SAMD12: variants seen among roughly 807,000 people sequenced by gnomAD.
SAMD12 encodes sterile alpha motif domain-containing protein 12.
SAMD12 carries 9 observed loss-of-function variants against 15.0 expected under a neutral mutation model. That is an observed-to-expected ratio of 0.60 (90% CI 0.36 to 1.05). The LOEUF (loss-of-function observed/expected upper bound fraction) is 1.05. Among genes scored for constraint, SAMD12 ranks in the 50% least tolerant of loss-of-function variants. The probability of loss-of-function intolerance (pLI) is 0.01; values close to 1 mark genes in which losing one functional copy is unlikely to be tolerated. For synonymous variants in SAMD12, 86 were observed against 90.1 expected (o/e 0.96, Z 0.25); for missense variants, 230 against 234.2 (o/e 0.98, Z 0.12).
chr8:118,161,596 T>C, the SAMD12 span, among the ~76,000 whole-genome samples: 1 of 141,008 alleles, frequency 7.1e-6, no homozygotes, highest in Non-Finnish European at 1.5e-5. Context: ...TGAGAAGAAA[T>C]ATAAAGACAA....
intron 1 of SAMD12, among the ~76,000 whole-genome samples, chr8:118,583,380 A>G (rs1827344081): frequency 6.6e-6 from 1 of 152,184 alleles, no homozygotes; most frequent in Admixed American, 6.5e-5. Context: ...AAATACATCA[A>G]AGTTGTGATT....
intron 4 of SAMD12, among the ~76,000 whole-genome samples, chr8:118,199,383 G>A (rs946461324): frequency 3.3e-5 from 5 of 152,148 alleles, no homozygotes; most frequent in African/African-American, 1.2e-4. Flanking sequence ...TATCCAGGTT[G>A]ACCTGCTAGG....
At chr8:118,409,690 G>A (rs1821309007) in intron 3 of SAMD12, among the ~76,000 whole-genome samples, 1 of 151,432 alleles carries the variant, frequency 6.6e-6, no homozygotes, top group Non-Finnish European at 1.5e-5. Flanking sequence ...ATCAGTACTG[G>A]GATGTACTAC....
At chr8:118,343,017 A>G (rs1384573710) in intron 4 of SAMD12, among the ~76,000 whole-genome samples, 1 of 152,074 alleles carries the variant, frequency 6.6e-6, no homozygotes, top group African/African-American at 2.4e-5. Flanking sequence ...TCTAGCTCTA[A>G]TTTAGTATTG....
chr8:118,430,112 A>G (rs1021364224), intron 3 of SAMD12, among the ~76,000 whole-genome samples: 7 of 152,194 alleles, frequency 4.6e-5, no homozygotes, highest in African/African-American at 1.7e-4. Flanking sequence ...CTCTGCATCT[A>G]TTGAGAAGAA....
chr8:118,526,817 G>A (rs1382407246), intron 2 of SAMD12, among the ~76,000 whole-genome samples: 1 of 152,140 alleles, frequency 6.6e-6, no homozygotes, highest in Non-Finnish European at 1.5e-5. Flanking sequence ...ACAGCCTTCT[G>A]AGACATGGAA....
chr8:118,283,827 T>C (rs1428969832), intron 4 of SAMD12, among the ~76,000 whole-genome samples: 8 of 152,222 alleles, frequency 5.3e-5, no homozygotes. Flanking sequence ...ACAGGGGAAC[T>C]TGGGCTTGAA....
At chr8:118,186,280 C>T (rs1390027865), downstream of SAMD12, among the ~76,000 whole-genome samples, 1 of 152,162 alleles carries the variant, frequency 6.6e-6, no homozygotes, top group Non-Finnish European at 1.5e-5. Flanking sequence ...GAGATATTTT[C>T]ATTTTAATAT....
At chr8:118,356,508 C>T (rs1257680083) in intron 4 of SAMD12, among the ~76,000 whole-genome samples, 1 of 152,118 alleles carries the variant, frequency 6.6e-6, no homozygotes, top group African/African-American at 2.4e-5. Context: ...AGGGAAGCAC[C>T]CACAGGATAC....
At chr8:118,166,382 C>T in the SAMD12 span, among the ~76,000 whole-genome samples, 5 of 152,308 alleles carry the variant, frequency 3.3e-5, no homozygotes, top group East Asian at 9.6e-4. Context: ...TCTGTTATCT[C>T]AAACCCCAGA....
At chr8:118,610,289 A>G (rs1017417556) in intron 1 of SAMD12, among the ~76,000 whole-genome samples, 32 of 152,232 alleles carry the variant, frequency 2.1e-4, no homozygotes, top group African/African-American at 7.7e-4. Context: ...CCAATTAAGT[A>G]ATTTTTTGTT....
intron 4 of SAMD12, among the ~76,000 whole-genome samples, chr8:118,321,311 G>T (rs58899923): frequency 0.23 from 15,476 of 68,068 alleles, 1,827 homozygotes; most frequent in African/African-American, 0.5. Flanking sequence ...TTTTTTTTTG[G>T]TTTTTTTTTA....
At chr8:118,570,720 C>A (rs554278885) in intron 2 of SAMD12, among the ~76,000 whole-genome samples, 86 of 148,706 alleles carry the variant, frequency 5.8e-4, no homozygotes, top group African/African-American at 2.2e-3. Flanking sequence ...TATATTATAC[C>A]CAGTTATGAG....
At chr8:118,366,279 A>G (rs1818763237) in intron 4 of SAMD12, among the ~76,000 whole-genome samples, 1 of 152,182 alleles carries the variant, frequency 6.6e-6, no homozygotes, top group African/African-American at 2.4e-5. Flanking sequence ...CATTTCTTCT[A>G]GACTGGATAC....
intron 4 of SAMD12, among the ~76,000 whole-genome samples, chr8:118,270,549 C>T (rs1261805481): frequency 6.6e-6 from 1 of 151,886 alleles, no homozygotes; most frequent in Non-Finnish European, 1.5e-5. Flanking sequence ...AGTTTTCAGC[C>T]TTCTCTTGTA....
At chr8:118,309,380 A>ATGTGTGTGTGTGTG (rs35576833) in intron 4 of SAMD12, among the ~76,000 whole-genome samples, 42 of 143,966 alleles carry the variant, frequency 2.9e-4, no homozygotes, top group Non-Finnish European at 4.8e-4. Flanking sequence ...TGAGATATAT[A>ATGTGTGTGTGTGTG]TGTGTGTGTG....
chr8:118,165,686 C>A, the SAMD12 span, among the ~76,000 whole-genome samples: 1 of 132,820 alleles, frequency 7.5e-6, no homozygotes, highest in South Asian at 2.4e-4. Context: ...AGTGGCATAG[C>A]AGTGAAAAGT....
intron 1 of SAMD12, among the ~76,000 whole-genome samples, chr8:118,602,225 T>G (rs1827880547): frequency 6.6e-6 from 1 of 152,210 alleles, no homozygotes; most frequent in African/African-American, 2.4e-5. Context: ...ACAACTGCCT[T>G]TGTCAAATCT....
At chr8:118,612,177 A>G (rs1828128116) in intron 1 of SAMD12, among the ~76,000 whole-genome samples, 1 of 152,130 alleles carries the variant, frequency 6.6e-6, no homozygotes. Context: ...TTCTCTTTCT[A>G]GCTAAATTCA....
Sources: allele counts gnomAD v4.1 joint callset (sites outside exome capture counted in the v4.1 genomes callset), GRCh38; gene constraint gnomAD v4.1.1; transcripts MANE v1.5; gene names NCBI Gene and HGNC (gene_info 2026-07-23, HGNC 2026-07-21).